The following LHFPL3 variants were observed in gnomAD, a reference collection of about 807,000 sequenced individuals.
LHFPL3 encodes LHFPL tetraspan subfamily member 3 protein.
LHFPL3 carries 5 observed loss-of-function variants against 19.3 expected under a neutral mutation model. The ratio of observed to expected loss-of-function variants is 0.26; its 90% confidence interval spans 0.14 to 0.54. LHFPL3 has a LOEUF of 0.54. LHFPL3 is among the 20% of genes least tolerant of loss of function. The pLI is 0.94. For missense variants in LHFPL3, 249 were observed against 307.4 expected, an observed-to-expected ratio of 0.81 and a Z score of 1.42; for synonymous variants, 133 against 126.2, an observed-to-expected ratio of 1.05 and a Z score of -0.36.
chr7:104,842,867 G>A (rs1350864929), intron 2 of LHFPL3, among the ~76,000 whole-genome samples: 2 of 152,104 alleles, frequency 1.3e-5, no homozygotes, highest in African/African-American at 4.8e-5. Context: ...AGTATCTTCT[G>A]CTCTTTTGCC....
chr7:104,747,847 A>T (rs1370982531), intron 2 of LHFPL3, among the ~76,000 whole-genome samples: 1 of 152,192 alleles, frequency 6.6e-6, no homozygotes, highest in Non-Finnish European at 1.5e-5. Context: ...CTTAAATGCA[A>T]ATTCTGACTT....
chr7:104,621,805 G>GCTTTTTTTGACTTTTTA (rs1791451017), intron 1 of LHFPL3, among the ~76,000 whole-genome samples: 1 of 152,112 alleles, frequency 6.6e-6, no homozygotes, highest in South Asian at 2.1e-4. Context: ...CTCCTCCACT[G>GCTTTTTTTGACTTTTTA]ATAAATAGAG....
chr7:104,709,228 TTTTA>T (rs1377105418), intron 1 of LHFPL3, among the ~76,000 whole-genome samples: 1 of 151,830 alleles, frequency 6.6e-6, no homozygotes, highest in Non-Finnish European at 1.5e-5. Flanking sequence ...TTTTATTTTT[TTTTA>T]TTTTTTATCT....
intron 1 of LHFPL3, among the ~76,000 whole-genome samples, chr7:104,734,053 A>C (rs901988080): frequency 9.2e-5 from 14 of 151,818 alleles, no homozygotes; most frequent in Non-Finnish European, 1.8e-4. Context: ...ATTGGCCCCC[A>C]CTCTCTTCTG....
intron 1 of LHFPL3, among the ~76,000 whole-genome samples, chr7:104,570,303 G>C (rs990065723): frequency 6.6e-6 from 1 of 152,114 alleles, no homozygotes. Flanking sequence ...CCACACTTTG[G>C]CCAAATGTGG....
At chr7:104,805,699 A>C (rs932820104) in intron 2 of LHFPL3, among the ~76,000 whole-genome samples, 4 of 152,230 alleles carry the variant, frequency 2.6e-5, no homozygotes, top group African/African-American at 9.6e-5. Flanking sequence ...GTCAGCCTCC[A>C]CAGTCTCCCA....
chr7:104,370,202 G>T (rs1388050126), intron 1 of LHFPL3, among the ~76,000 whole-genome samples: 1 of 152,144 alleles, frequency 6.6e-6, no homozygotes, highest in African/African-American at 2.4e-5. Flanking sequence ...CTGAGGAGAG[G>T]CTGCTGCCAG....
At chr7:104,677,403 A>C (rs945495069) in intron 1 of LHFPL3, among the ~76,000 whole-genome samples, 1 of 151,964 alleles carries the variant, frequency 6.6e-6, no homozygotes, top group Non-Finnish European at 1.5e-5. Flanking sequence ...AATGATCCCT[A>C]TATAGTGAAA....
At chr7:104,339,690 A>G (rs1789908061) in intron 1 of LHFPL3, among the ~76,000 whole-genome samples, 1 of 152,182 alleles carries the variant, frequency 6.6e-6, no homozygotes, top group African/African-American at 2.4e-5. Flanking sequence ...TTGCAGGGGA[A>G]ATAATTATCT....
At chr7:104,730,803 G>C (rs1793685692) in intron 1 of LHFPL3, among the ~76,000 whole-genome samples, 2 of 152,178 alleles carry the variant, frequency 1.3e-5, no homozygotes, top group African/African-American at 4.8e-5. Context: ...TGGTGTTTTA[G>C]ACATGAAGTC....
chr7:104,450,668 C>G (rs1792417647), intron 1 of LHFPL3, among the ~76,000 whole-genome samples: 1 of 151,872 alleles, frequency 6.6e-6, no homozygotes. Context: ...CACGTGTATA[C>G]CTATGTAACA....
At chr7:104,836,023 C>G (rs1791088091) in intron 2 of LHFPL3, among the ~76,000 whole-genome samples, 3 of 151,782 alleles carry the variant, frequency 2.0e-5, no homozygotes, top group Non-Finnish European at 4.4e-5. Flanking sequence ...GGGTAGTGTG[C>G]TAAGTAGTGA....
intron 2 of LHFPL3, among the ~76,000 whole-genome samples, chr7:104,820,386 G>A (rs936593199): frequency 2.6e-5 from 4 of 152,192 alleles, no homozygotes; most frequent in African/African-American, 9.6e-5. Flanking sequence ...GATATTCAAA[G>A]AGATGTGAGC....
At chr7:104,666,082 G>A (rs886943469) in intron 1 of LHFPL3, among the ~76,000 whole-genome samples, 2 of 152,076 alleles carry the variant, frequency 1.3e-5, no homozygotes, top group South Asian at 2.1e-4. Context: ...CGGGATACAT[G>A]TGACATTTTG....
At chr7:104,489,644 C>A (rs1373084769) in intron 1 of LHFPL3, among the ~76,000 whole-genome samples, 2 of 151,808 alleles carry the variant, frequency 1.3e-5, no homozygotes, top group African/African-American at 4.8e-5. Flanking sequence ...GGAGTGAGAT[C>A]AAACCAGAGT....
chr7:104,721,055 TATAA>T (rs1260959855), intron 1 of LHFPL3, among the ~76,000 whole-genome samples: 3 of 152,216 alleles, frequency 2.0e-5, no homozygotes, highest in African/African-American at 7.2e-5. Flanking sequence ...CCCAAAGGAT[TATAA>T]ATCATGCTAC....
chr7:104,737,332 A>G (rs539584789), intron 2 of LHFPL3, among the ~76,000 whole-genome samples: 36 of 152,210 alleles, frequency 2.4e-4, no homozygotes, highest in Non-Finnish European at 4.1e-4. Context: ...AACATCATCT[A>G]TATATATCTT....
At chr7:104,487,697 T>C (rs955999580) in intron 1 of LHFPL3, among the ~76,000 whole-genome samples, 68 of 152,350 alleles carry the variant, frequency 4.5e-4, no homozygotes, top group African/African-American at 1.5e-3. Flanking sequence ...AGGGACGTGT[T>C]GAGTCCTTCT....
intron 1 of LHFPL3, among the ~76,000 whole-genome samples, chr7:104,651,038 G>A (rs1279345262): frequency 6.6e-6 from 1 of 152,162 alleles, no homozygotes; most frequent in Non-Finnish European, 1.5e-5. Context: ...GAGTACAGCA[G>A]CGGGGTAAGA....
Sources: gnomAD v4.1 joint callset for allele counts (sites outside exome capture counted in the v4.1 genomes callset) on GRCh38, gnomAD v4.1.1 for gene constraint, MANE v1.5 for transcripts, NCBI Gene and HGNC (gene_info 2026-07-23, HGNC 2026-07-21) for gene names.